The following CACNA1D variants were observed in gnomAD, a reference collection of about 807,000 sequenced individuals.
CACNA1D encodes calcium voltage-gated channel subunit alpha1 D.
Under a neutral mutation model 257.1 loss-of-function variants are expected in CACNA1D, and 55 were observed. The ratio of observed to expected loss-of-function variants is 0.21; its 90% CI spans 0.17 to 0.27. The LOEUF is 0.27. Among genes scored for constraint, CACNA1D ranks in the 10% least tolerant of loss-of-function variants. The probability of loss-of-function intolerance (pLI) is 1.00; values close to 1 mark genes in which losing one functional copy is unlikely to be tolerated. For synonymous variants in CACNA1D, 980 were observed against 1,014.9 expected (o/e 0.97, Z 0.65); for missense variants, 1,876 against 2,784.0 (o/e 0.67, Z 7.34).
intron 3 of CACNA1D, among the ~76,000 whole-genome samples, chr3:53,575,639 C>G (rs1207939360): frequency 2.0e-5 from 3 of 152,138 alleles, no homozygotes; most frequent in Admixed American, 6.5e-5. Context: ...CATAAACTAA[C>G]AGCCCAGTAG....
At chr3:53,779,916 AG>A in intron 37 of CACNA1D, 109 bp from the exon 38 acceptor site, 1 of 829,090 alleles carries the variant, frequency 1.2e-6, no homozygotes, top group East Asian at 2.5e-5. Flanking sequence ...AATGGAATTG[AG>A]GGTTGACTAG....
chr3:53,565,954 A>G (rs1185008201), intron 3 of CACNA1D, among the ~76,000 whole-genome samples: 1 of 152,174 alleles, frequency 6.6e-6, no homozygotes, highest in African/African-American at 2.4e-5. Context: ...TTGAGGCACA[A>G]ACTGCCCTCT....
chr3:53,611,361 G>C (rs1187975686), intron 3 of CACNA1D, among the ~76,000 whole-genome samples: 1 of 152,164 alleles, frequency 6.6e-6, no homozygotes, highest in African/African-American at 2.4e-5. Flanking sequence ...ACTCCAGCCT[G>C]GGCAACAGAG....
chr3:53,757,107 A>G (rs1201972464), intron 29 of CACNA1D, among the ~76,000 whole-genome samples: 3 of 152,200 alleles, frequency 2.0e-5, no homozygotes, highest in Non-Finnish European at 4.4e-5. Flanking sequence ...CTGAGTCCTC[A>G]TCTGCCTTCA....
chr3:53,671,910 T>G (rs1234174004), intron 7 of CACNA1D, among the ~76,000 whole-genome samples: 2 of 152,234 alleles, frequency 1.3e-5, no homozygotes, highest in Non-Finnish European at 2.9e-5. Context: ...CCAGACTGTT[T>G]GCAGTTCTCA....
intron 10 of CACNA1D, 188 bp downstream of exon 10, chr3:53,718,576 C>G (rs2094845830): frequency 6.1e-6 from 4 of 650,812 alleles, no homozygotes; most frequent in Non-Finnish European, 1.1e-5. Flanking sequence ...CACCTCCCCA[C>G]CCCCCGCCCC....
intron 8 of CACNA1D, among the ~76,000 whole-genome samples, chr3:53,676,227 G>A (rs1283681790): frequency 3.3e-5 from 5 of 152,080 alleles, no homozygotes; most frequent in East Asian, 3.9e-4. Flanking sequence ...CATCTCCCCC[G>A]GCGACTGACG....
intron 3 of CACNA1D, among the ~76,000 whole-genome samples, chr3:53,613,544 CTG>C (rs5849000): frequency 0.58 from 86,828 of 150,422 alleles, 27,100 homozygotes; most frequent in African/African-American, 0.84. Context: ...GCACGGCCAT[CTG>C]TGTGTGTGTG....
At chr3:53,718,737 TG>T in intron 10 of CACNA1D, 3 of 1,553,284 alleles carry the variant, frequency 1.9e-6, no homozygotes, top group Non-Finnish European at 1.7e-6. Context: ...GTGTCGGCGG[TG>T]GGGGTAAAGG....
chr3:53,738,515 A>G (rs888089248), intron 20 of CACNA1D, among the ~76,000 whole-genome samples: 6 of 152,158 alleles, frequency 3.9e-5, no homozygotes, highest in Non-Finnish European at 8.8e-5. Flanking sequence ...TTTGGAAAAA[A>G]ACAGCATTAG....
intron 1 of CACNA1D, among the ~76,000 whole-genome samples, chr3:53,496,522 A>C (rs2090356779): frequency 1.3e-5 from 2 of 152,220 alleles, no homozygotes; most frequent in African/African-American, 4.8e-5. Context: ...GGAGGAAATG[A>C]GTCCCAAGCA....
At chr3:53,607,236 C>T (rs1370423251) in intron 3 of CACNA1D, among the ~76,000 whole-genome samples, 1 of 152,158 alleles carries the variant, frequency 6.6e-6, no homozygotes, top group Non-Finnish European at 1.5e-5. Context: ...TTTTGGCCCT[C>T]ATTATTTTTG....
chr3:53,811,085 A>T lies in CACNA1D; in HGVS notation c.6193-28A>T. 6.3e-7 allele frequency: 1 copy of T among 1,599,562 alleles called. No individual in the cohort carries two copies. ...CCCTGCAAAGCCTTATAACACCCCCATGCCATCCATCCCTCTTTTCTGTAC... is the reference window on the plus strand; with the variant it reads ...CCCTGCAAAGCCTTATAACACCCCCTTGCCATCCATCCCTCTTTTCTGTAC... On this transcript the variant is annotated intron_variant, in intron 47 of 47. Transcript: ENST00000350061. This position sits in a 1 kb window ranked among gnomAD's most constrained non-coding sequence, Gnocchi z 4.2.
chr3:53,587,186 G>A (rs945730299), intron 3 of CACNA1D, among the ~76,000 whole-genome samples: 3 of 152,150 alleles, frequency 2.0e-5, no homozygotes, highest in Non-Finnish European at 4.4e-5. Flanking sequence ...ATGTGGGGAG[G>A]GGCAAGAACA....
intron 1 of CACNA1D, 42 bp from the exon 2 acceptor site, chr3:53,497,110 T>C (rs910544944): frequency 1.3e-6 from 2 of 1,550,754 alleles, no homozygotes; most frequent in Non-Finnish European, 8.9e-7. Flanking sequence ...CACTGGATCC[T>C]CATTTAAAAA....
intron 3 of CACNA1D, among the ~76,000 whole-genome samples, chr3:53,512,516 A>G (rs2091154932): frequency 6.6e-6 from 1 of 152,208 alleles, no homozygotes; most frequent in African/African-American, 2.4e-5. Flanking sequence ...AGGACATCAG[A>G]AACCTCCATA....
chr3:53,775,497 T>C (rs1441205774), intron 34 of CACNA1D, among the ~76,000 whole-genome samples: 1 of 152,154 alleles, frequency 6.6e-6, no homozygotes, highest in East Asian at 1.9e-4. Flanking sequence ...AGGTCGAGGC[T>C]GCAGTGAGCC....
At chr3:53,618,756 C>G (rs948944098) in intron 3 of CACNA1D, among the ~76,000 whole-genome samples, 55 of 152,200 alleles carry the variant, frequency 3.6e-4, no homozygotes, top group African/African-American at 1.3e-3. Context: ...AGTGTACTTG[C>G]TTCTGTCTGG....
intron 3 of CACNA1D, among the ~76,000 whole-genome samples, chr3:53,621,654 A>G (rs1273186526): frequency 6.6e-6 from 1 of 152,254 alleles, no homozygotes; most frequent in Non-Finnish European, 1.5e-5. Flanking sequence ...TGTGTTCATC[A>G]AAAGATGCTG....
Sources: allele counts gnomAD v4.1 joint callset (sites outside exome capture counted in the v4.1 genomes callset), GRCh38; gene constraint gnomAD v4.1.1; non-coding constraint Gnocchi (gnomAD v3.1); transcripts MANE v1.5; gene names NCBI Gene and HGNC (gene_info 2026-07-23, HGNC 2026-07-21).